Variants in ARHGAP26 observed in about 807,000 individuals in gnomAD.
ARHGAP26 encodes the protein Rho GTPase activating protein 26.
ARHGAP26 carries 38 observed loss-of-function variants against 104.8 expected under a neutral mutation model. The observed-to-expected ratio is 0.36, with a 90% CI of 0.28 to 0.48. The LOEUF (loss-of-function observed/expected upper bound fraction) is 0.48. ARHGAP26 is among the 20% of genes least tolerant of loss of function. ARHGAP26 has a pLI of 0.99. For missense variants in ARHGAP26, 704 were observed against 947.9 expected (o/e 0.74, Z 3.38); for synonymous variants, 341 against 340.0 (o/e 1.00, Z -0.03).
At chr5:142,953,144 C>A (rs1055742982) in intron 11 of ARHGAP26, among the ~76,000 whole-genome samples, 4 of 152,214 alleles carry the variant, frequency 2.6e-5, no homozygotes, top group African/African-American at 9.6e-5. Context: ...CCCACACCAA[C>A]CAGGATTGTC....
At chr5:142,805,005 G>T (rs1304132852) in intron 1 of ARHGAP26, among the ~76,000 whole-genome samples, 1 of 151,988 alleles carries the variant, frequency 6.6e-6, no homozygotes, top group African/African-American at 2.4e-5. Context: ...CATTCATGTT[G>T]AAGCATGTGT....
intron 11 of ARHGAP26, among the ~76,000 whole-genome samples, chr5:143,012,546 T>TAC (rs1391320343): frequency 1.2e-4 from 7 of 58,478 alleles, no homozygotes; most frequent in African/African-American, 3.4e-4. Context: ...TTTATATACA[T>TAC]ACATACATAT....
intron 20 of ARHGAP26, among the ~76,000 whole-genome samples, chr5:143,186,770 G>C (rs192718278): frequency 2.0e-5 from 3 of 152,324 alleles, no homozygotes; most frequent in Admixed American, 6.5e-5. Context: ...GAGCTTTGCT[G>C]TGCAGACACA....
chr5:142,932,395 T>C (rs1466916571), intron 11 of ARHGAP26, among the ~76,000 whole-genome samples: 1 of 152,220 alleles, frequency 6.6e-6, no homozygotes, highest in Non-Finnish European at 1.5e-5. Context: ...TGACTTCTGG[T>C]TCAGCCTCCC....
chr5:143,189,487 T>C (rs1197063420), intron 20 of ARHGAP26, among the ~76,000 whole-genome samples: 2 of 152,212 alleles, frequency 1.3e-5, no homozygotes, highest in East Asian at 3.9e-4. Context: ...TTCATAGCTC[T>C]TAATACCACC....
At chr5:142,963,198 A>ATATATATGTGTGTGTGTGTGTG (rs869247749) in intron 11 of ARHGAP26, among the ~76,000 whole-genome samples, 7 of 98,308 alleles carry the variant, frequency 7.1e-5, no homozygotes, top group African/African-American at 3.7e-4. Flanking sequence ...ATATATATAT[A>ATATATATGTGTGTGTGTGTGTG]TGTGTGTGTG....
At chr5:142,970,082 T>C (rs188662988) in intron 11 of ARHGAP26, among the ~76,000 whole-genome samples, 1 of 152,320 alleles carries the variant, frequency 6.6e-6, no homozygotes, top group East Asian at 1.9e-4. Context: ...CTGTTAGTCA[T>C]GTTAAGCAGA....
intron 11 of ARHGAP26, among the ~76,000 whole-genome samples, chr5:142,973,462 A>G (rs191519529): frequency 6.6e-6 from 1 of 152,350 alleles, no homozygotes; most frequent in African/African-American, 2.4e-5. Context: ...AATAATTTCT[A>G]GAGATGATAC....
intron 11 of ARHGAP26, among the ~76,000 whole-genome samples, chr5:142,938,214 C>G (rs1765728842): frequency 6.6e-6 from 1 of 152,032 alleles, no homozygotes; most frequent in African/African-American, 2.4e-5. Context: ...TCACAGGACA[C>G]TACTATTTTT....
chr5:142,799,953 G>A (rs1761732137), intron 1 of ARHGAP26, among the ~76,000 whole-genome samples: 1 of 152,204 alleles, frequency 6.6e-6, no homozygotes, highest in South Asian at 2.1e-4. Context: ...CTTCACAGCT[G>A]CTTATTCACA....
intron 1 of ARHGAP26, among the ~76,000 whole-genome samples, chr5:142,826,006 G>A (rs535606988): frequency 6.6e-6 from 1 of 152,284 alleles, no homozygotes; most frequent in South Asian, 2.1e-4. Context: ...AGAAGACCTA[G>A]ATTTTCTTAT....
chr5:142,968,172 T>C (rs903008820), intron 11 of ARHGAP26, among the ~76,000 whole-genome samples: 1 of 152,102 alleles, frequency 6.6e-6, no homozygotes, highest in Non-Finnish European at 1.5e-5. Context: ...ATGAGGTAGG[T>C]CGTATTTCCC....
chr5:142,996,825 T>C (rs1776473051), intron 11 of ARHGAP26, among the ~76,000 whole-genome samples: 2 of 152,136 alleles, frequency 1.3e-5, no homozygotes. Context: ...GTTGCAGCTA[T>C]GGGAATGGAT....
chr5:143,207,621 C>T (rs1437947758), intron 21 of ARHGAP26: 1 of 1,002,084 alleles, frequency 1.0e-6, no homozygotes, highest in African/African-American at 1.6e-5. Context: ...GCATTTTTCA[C>T]ACCCTTTTCA....
At chr5:143,163,516 T>A (rs1396092955) in intron 20 of ARHGAP26, among the ~76,000 whole-genome samples, 1 of 141,422 alleles carries the variant, frequency 7.1e-6, no homozygotes, top group Non-Finnish European at 1.6e-5. Context: ...AATGGTGCGA[T>A]CTTGGCTCAC....
Position 142,770,731 on chromosome 5 carries a change from GCGCGCCCCCCGGCTGGGCGC to G in ARHGAP26, c.-25_-6del. On this transcript the variant is annotated 5_prime_UTR_variant, in exon 1 of 23. Coordinates refer to ENST00000645722, the MANE Select transcript of ARHGAP26 (RefSeq NM_001135608.3). ...GCGGGCGGCCCGGGCCCCGGCGGAG[GCGCGCCCCCCGGCTGGGCGC>G]CGCGCGCACCATGGGGCTCCCAGCG... 1.6e-6 allele frequency: 2 copies of G among 1,230,028 alleles called. No homozygotes were observed. The highest frequency in any genetic ancestry group is 5.8e-5 in the South Asian group (2 of 34,400). The allele number at this position is 1,230,028 out of a possible 1,614,324, so 76.2% of individuals were successfully genotyped here.
At chr5:142,958,940 A>G (rs1598393582) in intron 11 of ARHGAP26, among the ~76,000 whole-genome samples, 6 of 151,764 alleles carry the variant, frequency 4.0e-5, no homozygotes, top group Admixed American at 3.9e-4. Flanking sequence ...AAGAAAGGAA[A>G]ATATATAGAG....
At chr5:142,774,166 C>T (rs1023058259) in intron 1 of ARHGAP26, among the ~76,000 whole-genome samples, 4 of 152,192 alleles carry the variant, frequency 2.6e-5, no homozygotes, top group African/African-American at 9.7e-5. Context: ...AAATCAAAGG[C>T]ATTTCCTAAT....
rs987576144 is a variant in ARHGAP26, at chr5:143,023,446, T to A, written c.1144+9330T>A. Among the ~76,000 whole-genome samples, 144 of 151,928 alleles carry A rather than the reference T, an allele frequency of 9.5e-4. 2 individuals carry two copies. The highest frequency in any genetic ancestry group is 1.4e-3 in the Non-Finnish European group (94 of 67,912). ...ATGGGATCGCCTGGGCCACTATTTTTAAAAGACATCTAAAGCCTTCAGCCA... is the reference window on the plus strand; with the variant it reads ...ATGGGATCGCCTGGGCCACTATTTTAAAAAGACATCTAAAGCCTTCAGCCA... On this transcript the variant is annotated intron_variant, in intron 12 of 22. Coordinates refer to ENST00000645722, the MANE Select transcript of ARHGAP26 (RefSeq NM_001135608.3).
Sources: allele counts gnomAD v4.1 joint callset (sites outside exome capture counted in the v4.1 genomes callset), GRCh38; gene constraint gnomAD v4.1.1; transcripts MANE v1.5; gene names NCBI Gene and HGNC (gene_info 2026-07-23, HGNC 2026-07-21).